TMEM108: variants seen among roughly 807,000 people sequenced by gnomAD.
The protein encoded by TMEM108 is cancer/testis antigen 124.
TMEM108 carries 12 observed loss-of-function variants against 35.1 expected under a neutral mutation model. That is an observed-to-expected ratio of 0.34 (90% CI 0.22 to 0.55). The LOEUF (loss-of-function observed/expected upper bound fraction) is 0.55. Ranked by LOEUF, TMEM108 falls within the 20% of genes least tolerant of loss-of-function variation. The probability of loss-of-function intolerance (pLI) is 0.89; values close to 1 mark genes in which losing one functional copy is unlikely to be tolerated. For missense variants in TMEM108, 680 were observed against 753.3 expected, an observed-to-expected ratio of 0.90 and a Z score of 1.14; for synonymous variants, 287 against 308.6, an observed-to-expected ratio of 0.93 and a Z score of 0.73.
chr3:133,391,387 AC>A (rs1262270392), intron 5 of TMEM108, among the ~76,000 whole-genome samples: 1 of 152,020 alleles, frequency 6.6e-6, no homozygotes, highest in East Asian at 1.9e-4. Context: ...TGGAGGTGCA[AC>A]CCCACCCCTC....
At chr3:133,248,334 G>A (rs535368631) in intron 3 of TMEM108, 1 of 152,250 alleles carries the variant, frequency 6.6e-6, no homozygotes, top group African/African-American at 2.4e-5. Context: ...CAAGTGTTAT[G>A]CCTAAAATCC....
rs2107859720 is a variant in TMEM108, at chr3:133,390,235, G to A, written c.1506G>A (p.Glu502=). Residue 502 remains glutamate, a synonymous_variant, in exon 5 of 6, where the codon GAG becomes GAA. Transcript: ENST00000321871. The stretch of plus-strand genomic sequence containing the variant: ...GGAAGAAGAAGACCGCCAACCCGGA[G>A]AACAACCTGAGCTACTGGAACAACA... ...MKRKKKTANP[E]NNLSYWNNTI... is the part of the protein sequence containing the mutation. The A allele has an allele frequency of 6.2e-7, 1 of 1,614,196 alleles. No individual in the cohort carries two copies.
At chr3:133,106,529 C>G (rs1251859656) in intron 2 of TMEM108, among the ~76,000 whole-genome samples, 1 of 152,204 alleles carries the variant, frequency 6.6e-6, no homozygotes, top group Non-Finnish European at 1.5e-5. Flanking sequence ...TACTGGTACT[C>G]ACACTTTTGT....
chr3:133,181,829 A>G (rs537431062), intron 2 of TMEM108, among the ~76,000 whole-genome samples: 1 of 152,338 alleles, frequency 6.6e-6, no homozygotes, highest in East Asian at 1.9e-4. Context: ...TTCAGAGTCC[A>G]GGCTGGAGAA....
chr3:133,229,432 C>T (rs370517431), intron 3 of TMEM108, 81 bp downstream of exon 3: 119 of 1,389,048 alleles, frequency 8.6e-5, no homozygotes, highest in Non-Finnish European at 1.0e-4. Context: ...ACTTTTTGGA[C>T]GGAGACCAGG....
chr3:133,334,611 C>A (rs141499032), intron 3 of TMEM108, among the ~76,000 whole-genome samples: 33 of 152,162 alleles, frequency 2.2e-4, no homozygotes, highest in Non-Finnish European at 4.3e-4. Context: ...TTCCTCACTC[C>A]TTGGGGCAGG....
chr3:133,043,134 A>G lies in TMEM108; in HGVS notation c.-165-2768A>G, dbSNP rs529084656. On this transcript the variant is annotated intron_variant, in intron 1 of 5. Coordinates refer to ENST00000321871, the MANE Select transcript of TMEM108 (RefSeq NM_023943.4). ...ATCATCCTAGAAGAATCATTCCTCA[A>G]TCAGATGTTCTTAAGTTGGGTCCAT... Among the ~76,000 whole-genome samples, 5 of 152,330 alleles carry G rather than the reference A, an allele frequency of 3.3e-5. No individual in the cohort carries two copies. In the South Asian group the frequency reaches 1.0e-3, roughly 32 times the overall value.
rs567288706 is a variant in TMEM108 at position 133,085,620 on chromosome 3, C to T, written c.-47+39600C>T. 2.2e-3 allele frequency among the ~76,000 whole-genome samples: 341 copies of T among 152,280 alleles called. 1 individual carries two copies. The highest frequency in any genetic ancestry group is 3.6e-3 in the Non-Finnish European group (242 of 68,030). ...GACCAAATTTGGCCACCAGAAGCCTCTTCAGTCTGATTCCTTTGTCCTTTT... is the reference window on the plus strand; with the variant it reads ...GACCAAATTTGGCCACCAGAAGCCTTTTCAGTCTGATTCCTTTGTCCTTTT... On this transcript the variant is annotated intron_variant, in intron 2 of 5. Transcript: ENST00000321871.
intron 3 of TMEM108, among the ~76,000 whole-genome samples, chr3:133,234,497 A>T (rs1456820341): frequency 1.3e-5 from 2 of 152,198 alleles, no homozygotes; most frequent in Admixed American, 6.5e-5. Flanking sequence ...CAAAGACAAA[A>T]ACCACATGAT....
rs1413245132 is a variant in TMEM108 at position 133,397,408 on chromosome 3, G to A, written c.*1422G>A. 6.6e-6 allele frequency: 1 copy of A among 150,940 alleles called. No individual in the cohort carries two copies. The highest frequency in any genetic ancestry group is 1.9e-4 in the East Asian group (1 of 5,168). 9.4% of individuals were successfully genotyped at this position (150,940 alleles called of 1,614,324 possible). ...TTTCCTTAAAAAAAAAAAAAAGATG[G>A]CCTTCAAAAGTGTGTTCTCAATGTT... On this transcript the variant is annotated 3_prime_UTR_variant, in exon 6 of 6. Coordinates refer to ENST00000321871, the MANE Select transcript of TMEM108 (RefSeq NM_023943.4).
intron 2 of TMEM108, among the ~76,000 whole-genome samples, chr3:133,159,320 A>G (rs959173643): frequency 5.3e-5 from 8 of 152,190 alleles, no homozygotes; most frequent in African/African-American, 1.9e-4. Context: ...TCCATGGCCC[A>G]TTCCCCTGGA....
chr3:133,138,750 T>C (rs1576339587), intron 2 of TMEM108, among the ~76,000 whole-genome samples: 1 of 152,206 alleles, frequency 6.6e-6, no homozygotes, highest in East Asian at 1.9e-4. Flanking sequence ...AGGGGCCATT[T>C]GTACTAACCT....
At chr3:133,316,423 A>T (rs1392221884) in intron 3 of TMEM108, among the ~76,000 whole-genome samples, 1 of 152,192 alleles carries the variant, frequency 6.6e-6, no homozygotes, top group Non-Finnish European at 1.5e-5. Flanking sequence ...TACACTGAAG[A>T]GGCTATATCT....
At chr3:133,384,447 C>A (rs1172753948) in intron 4 of TMEM108, among the ~76,000 whole-genome samples, 4 of 125,540 alleles carry the variant, frequency 3.2e-5, no homozygotes, top group Non-Finnish European at 7.0e-5. Context: ...TTCACCTGCC[C>A]TCCCAGATTG....
At chr3:133,199,695 C>T (rs1045683739) in intron 2 of TMEM108, among the ~76,000 whole-genome samples, 3 of 152,170 alleles carry the variant, frequency 2.0e-5, no homozygotes, top group Non-Finnish European at 4.4e-5. Context: ...CAGTCGGCCT[C>T]TACTGGGAGG....
rs986688113 is a variant in TMEM108 at position 133,088,810 on chromosome 3, A to G, written c.-47+42790A>G. 3.9e-5 allele frequency among the ~76,000 whole-genome samples: 6 copies of G among 152,320 alleles called. No homozygotes were observed. The East Asian group carries it at 5.8e-4, about 15-fold the overall frequency. ...CTCTGTCATTAAGATTGACTGTGTC[A>G]CAGCCACAAATGCTGTGAGCAATTG... On this transcript the variant is annotated intron_variant, in intron 2 of 5. Transcript: ENST00000321871.
chr3:133,165,657 C>CA (rs1275579433), intron 2 of TMEM108, among the ~76,000 whole-genome samples: 13 of 152,142 alleles, frequency 8.5e-5, no homozygotes, highest in African/African-American at 2.9e-4. Context: ...TTATAGCTTG[C>CA]AAGATGACCA....
At chr3:133,052,852 G>A (rs770297438) in intron 2 of TMEM108, among the ~76,000 whole-genome samples, 5 of 152,124 alleles carry the variant, frequency 3.3e-5, no homozygotes, top group African/African-American at 4.8e-5. Flanking sequence ...TTCTAACCAA[G>A]TCATTGTGTC....
rs199725367 is a variant in TMEM108 at position 133,158,053 on chromosome 3, TAAC to T, written c.-46-71210_-46-71208del. 3.5e-3 allele frequency among the ~76,000 whole-genome samples: 535 copies of T among 152,324 alleles called. 3 individuals are homozygous for T. The highest frequency in any genetic ancestry group is 0.012 in the African/African-American group (507 of 41,580). ...AGTGGGTTATCTCCTTTAAGCCTCT[TAAC>T]AATCCTGTGAGTCCTTTTAACTCCT... On this transcript the variant is annotated intron_variant, in intron 2 of 5. Coordinates refer to ENST00000321871, the MANE Select transcript of TMEM108 (RefSeq NM_023943.4).
Sources: gnomAD v4.1 joint callset for allele counts (sites outside exome capture counted in the v4.1 genomes callset) on GRCh38, gnomAD v4.1.1 for gene constraint, MANE v1.5 for transcripts, NCBI Gene and HGNC (gene_info 2026-07-23, HGNC 2026-07-21) for gene names.